The following CHD9 variants were observed in gnomAD, a reference collection of about 807,000 sequenced individuals.
CHD9 encodes chromodomain helicase DNA binding protein 9.
In CHD9, 77 loss-of-function variants were observed where a neutral mutation model predicts 316.1. The observed-to-expected ratio is 0.24, with a 90% CI of 0.20 to 0.29. The LOEUF (loss-of-function observed/expected upper bound fraction) is 0.29, where lower values mean the gene tolerates loss of function less well. Among genes scored for constraint, CHD9 ranks in the 10% least tolerant of loss-of-function variants. The probability of loss-of-function intolerance (pLI) is 1.00; values close to 1 mark genes in which losing one functional copy is unlikely to be tolerated. For synonymous variants in CHD9, 1,129 were observed against 1,158.3 expected, an observed-to-expected ratio of 0.97 and a Z score of 0.51; for missense variants, 2,763 against 3,438.1, an observed-to-expected ratio of 0.80 and a Z score of 4.91.
intron 20 of CHD9, among the ~76,000 whole-genome samples, chr16:53,263,912 A>C (rs1400057776): frequency 6.6e-6 from 1 of 152,136 alleles, no homozygotes; most frequent in African/African-American, 2.4e-5. Context: ...AAACACTATA[A>C]AAGTTCGTAA....
In CHD9 at chr16:53,304,422, A is replaced by C; in HGVS notation, c.6416A>C (p.Glu2139Ala). ...AGTTCTGATTCTGACTCAGATTCTG[A>C]GAGATCATCTTGTTCTTCCAGATCA... ...ESSSDSDSDS[E>A]RSSCSSRSSS... Residue 2139 changes from glutamate to alanine, a missense_variant, in exon 31 of 39, where the codon GAG (glutamate) becomes GCG (alanine). Physicochemically the swap from Glu to Ala is moderately radical, Grantham distance 107 (BLOSUM62 -1). Transcript: ENST00000447540. 1 of 1,603,532 alleles carries C rather than the reference A, an allele frequency of 6.2e-7. No homozygotes were observed. The highest frequency in any genetic ancestry group is 8.5e-7 in the Non-Finnish European group (1 of 1,174,920).
chr16:53,159,468 TA>T (rs1329146538), intron 2 of CHD9, among the ~76,000 whole-genome samples: 2 of 152,220 alleles, frequency 1.3e-5, no homozygotes, highest in African/African-American at 4.8e-5. Context: ...ATACCTTGGT[TA>T]CCTGTGAGAT....
intron 2 of CHD9, among the ~76,000 whole-genome samples, chr16:53,200,878 G>A (rs1270170985): frequency 1.3e-5 from 2 of 152,162 alleles, no homozygotes; most frequent in African/African-American, 2.4e-5. Context: ...ACTGAGAAGA[G>A]CACAGTATCA....
At chr16:53,130,752 G>A (rs2039203435) in intron 1 of CHD9, among the ~76,000 whole-genome samples, 3 of 151,886 alleles carry the variant, frequency 2.0e-5, no homozygotes, top group South Asian at 2.1e-4. Context: ...CGCGCCAGGA[G>A]GGAAGGGGAG....
At chr16:53,137,146 G>A (rs1242034818) in intron 1 of CHD9, among the ~76,000 whole-genome samples, 1 of 151,958 alleles carries the variant, frequency 6.6e-6, no homozygotes, top group Non-Finnish European at 1.5e-5. Context: ...GCTAATTTTT[G>A]TATTTTTAGT....
chr16:53,301,549 A>T (rs2055418208), intron 30 of CHD9, among the ~76,000 whole-genome samples: 1 of 152,184 alleles, frequency 6.6e-6, no homozygotes, highest in Non-Finnish European at 1.5e-5. Context: ...TTATTAATCA[A>T]ATGTGTGCAC....
At chr16:53,116,789 G>A (rs1217715297) in intron 1 of CHD9, among the ~76,000 whole-genome samples, 3 of 152,068 alleles carry the variant, frequency 2.0e-5, no homozygotes, top group Non-Finnish European at 4.4e-5. Flanking sequence ...GTTCATTACA[G>A]CATTATTCAC....
At chr16:53,075,768 C>G (rs987322345) in intron 1 of CHD9, among the ~76,000 whole-genome samples, 2 of 152,182 alleles carry the variant, frequency 1.3e-5, no homozygotes, top group African/African-American at 4.8e-5. Flanking sequence ...TCACATATGT[C>G]TTTATCAGCA....
intron 2 of CHD9, among the ~76,000 whole-genome samples, chr16:53,209,191 T>G (rs1371425802): frequency 2.6e-5 from 4 of 152,188 alleles, no homozygotes; most frequent in Non-Finnish European, 5.9e-5. Context: ...AAAATTTGAA[T>G]CAACTATCTT....
chr16:53,199,484 T>A (rs956686433), intron 2 of CHD9, among the ~76,000 whole-genome samples: 2 of 152,198 alleles, frequency 1.3e-5, no homozygotes, highest in African/African-American at 4.8e-5. Flanking sequence ...TAAAGTTTTA[T>A]TTTTACAGAT....
rs558141934 is a variant in CHD9, at chr16:53,151,896, C to G, written c.-164-4030C>G. On this transcript the variant is annotated intron_variant, in intron 1 of 38. Transcript: ENST00000447540. ...TTGACCATCAAATCTAATGGACTTT[C>G]TAAGGGACAATTTCTGTCAACTTTT... Among the ~76,000 whole-genome samples the G allele has an allele frequency of 6.6e-5, 10 of 152,110 alleles. No individual in the cohort carries two copies. The East Asian group carries it at 1.9e-3, about 29-fold the overall frequency.
chr16:53,199,017 C>CT (rs751958510), intron 2 of CHD9, among the ~76,000 whole-genome samples: 127 of 144,952 alleles, frequency 8.8e-4, no homozygotes, highest in African/African-American at 1.3e-3. Context: ...TGCCACCAAA[C>CT]TTTTTTTTTT....
intron 1 of CHD9, among the ~76,000 whole-genome samples, chr16:53,128,818 A>G (rs189637326): frequency 6.6e-6 from 1 of 152,310 alleles, no homozygotes; most frequent in Non-Finnish European, 1.5e-5. Flanking sequence ...GAACTTATGT[A>G]CTTAACACAG....
At chr16:53,296,905 A>C in intron 29 of CHD9, 51 bp from the exon 30 acceptor site, 1 of 1,178,982 alleles carries the variant, frequency 8.5e-7, no homozygotes, top group Non-Finnish European at 1.3e-6. Flanking sequence ...TAGTATTAAT[A>C]TTAATTTTAG....
chr16:53,133,671 T>C (rs1224029010), intron 1 of CHD9, among the ~76,000 whole-genome samples: 2 of 152,118 alleles, frequency 1.3e-5, no homozygotes, highest in South Asian at 2.1e-4. Context: ...CAAAAACTTA[T>C]GGGGTGGGCA....
chr16:53,186,083 C>T lies in CHD9; in HGVS notation c.1453-23399C>T, dbSNP rs143067076. On this transcript the variant is annotated intron_variant, in intron 2 of 38. Transcript: ENST00000447540. ...GCTGTGAGAAGAGGATCACCATCCT[C>T]CAGACCCCAAAATGATAGATCCACT... 3.1e-3 allele frequency among the ~76,000 whole-genome samples: 475 copies of T among 152,300 alleles called. 7 individuals carry two copies. Among genetic ancestry groups the T allele is most frequent in the African/African-American group, 0.011 (460 of 41,570 alleles).
chr16:53,191,088 A>G (rs2044444783), intron 2 of CHD9, among the ~76,000 whole-genome samples: 1 of 152,094 alleles, frequency 6.6e-6, no homozygotes, highest in Non-Finnish European at 1.5e-5. Context: ...CTTATGCCCC[A>G]TTGCAGGTAG....
At position 53,259,834 on chromosome 16, in the gene CHD9, T is replaced by A. The variant is rs536622838; in HGVS notation, c.4210-3153T>A. Among the ~76,000 whole-genome samples the A allele has an allele frequency of 2.0e-5, 3 of 152,254 alleles. No homozygotes were observed. In the East Asian group the frequency reaches 5.8e-4, roughly 29 times the overall value. ...CCAGCCTGCTTTTCATGTTAAATGT[T>A]CTCCAGTTCACGTAAGGCAAATACT... On this transcript the variant is annotated intron_variant, in intron 19 of 38. Coordinates refer to ENST00000447540, the MANE Select transcript of CHD9 (RefSeq NM_001308319.2).
intron 34 of CHD9, among the ~76,000 whole-genome samples, chr16:53,310,636 T>C (rs1015929946): frequency 2.7e-5 from 4 of 150,590 alleles, no homozygotes; most frequent in African/African-American, 9.8e-5. Context: ...TCACCTGAGG[T>C]CAGGAGTTCG....
Sources: allele counts gnomAD v4.1 joint callset (sites outside exome capture counted in the v4.1 genomes callset), GRCh38; gene constraint gnomAD v4.1.1; transcripts MANE v1.5; gene names NCBI Gene and HGNC (gene_info 2026-07-23, HGNC 2026-07-21).